CRB1: variants seen among roughly 807,000 people sequenced by gnomAD.
CRB1 encodes protein crumbs homolog 1.
CRB1 carries 83 observed loss-of-function variants against 120.0 expected under a neutral mutation model. The ratio of observed to expected loss-of-function variants is 0.69; its 90% CI spans 0.58 to 0.83. The LOEUF (loss-of-function observed/expected upper bound fraction) is 0.83, where lower values mean the gene tolerates loss of function less well. Among genes scored for constraint, CRB1 ranks in the 40% least tolerant of loss-of-function variants. CRB1 has a pLI of 0.00. For missense variants in CRB1, 1,699 were observed against 1,687.6 expected (o/e 1.01, Z -0.12); for synonymous variants, 625 against 612.5 (o/e 1.02, Z -0.30).
At chr1:197,227,333 G>GT in the CRB1 span, among the ~76,000 whole-genome samples, 28 of 151,824 alleles carry the variant, frequency 1.8e-4, no homozygotes, top group Non-Finnish European at 3.7e-4. Flanking sequence ...AAACAAAGGG[G>GT]TTACAGAGCC....
At chr1:197,252,582 A>ATATATGTGTGTGTG in the CRB1 span, among the ~76,000 whole-genome samples, 27 of 15,478 alleles carry the variant, frequency 1.7e-3, no homozygotes, top group South Asian at 3.0e-3. Context: ...ATATATATAT[A>ATATATGTGTGTGTG]TGTGTGTGTG....
At chr1:197,473,910 C>A (rs748977012) in intron 11 of CRB1, among the ~76,000 whole-genome samples, 1 of 150,880 alleles carries the variant, frequency 6.6e-6, no homozygotes, top group Non-Finnish European at 1.5e-5. Flanking sequence ...CCTGAAGAGG[C>A]GATTTCAAAA....
At position 197,385,345 on chromosome 1, in the gene CRB1, C is replaced by A. The variant is rs1662159828; in HGVS notation, c.1171+28332C>A. On this transcript the variant is annotated intron_variant, in intron 5 of 11. Transcript: ENST00000367400. Reference sequence around the variant, plus strand: ...GAACAATGTAAATAGACAAATGAGGCATTTCTTGAAGCTGCTTTTTGGTAT... The same window carrying A: ...GAACAATGTAAATAGACAAATGAGGAATTTCTTGAAGCTGCTTTTTGGTAT... Among the ~76,000 whole-genome samples, 2 of 152,052 alleles carry A rather than the reference C, an allele frequency of 1.3e-5. 1 individual carries two copies. The highest frequency in any genetic ancestry group is 4.1e-4 in the South Asian group (2 of 4,826).
intron 1 of CRB1, among the ~76,000 whole-genome samples, chr1:197,292,930 T>G (rs1486343669): frequency 6.6e-6 from 1 of 151,984 alleles, no homozygotes; most frequent in South Asian, 2.1e-4. Context: ...TAAGATCTGT[T>G]TATGACAAAC....
chr1:197,316,043 G>A (rs1463336118), intron 1 of CRB1, among the ~76,000 whole-genome samples: 3 of 152,168 alleles, frequency 2.0e-5, no homozygotes, highest in Non-Finnish European at 4.4e-5. Context: ...TACAGGTTTT[G>A]GTTTAAGAAG....
the CRB1 span, among the ~76,000 whole-genome samples, chr1:197,220,958 C>G: frequency 3.5e-4 from 53 of 152,176 alleles, no homozygotes; most frequent in Non-Finnish European, 2.9e-5. Context: ...ATAAATTACC[C>G]AGTCTCAGGT....
At chr1:197,286,910 A>C (rs1655861981) in intron 1 of CRB1, among the ~76,000 whole-genome samples, 1 of 151,896 alleles carries the variant, frequency 6.6e-6, no homozygotes, top group African/African-American at 2.4e-5. Context: ...ATTCAAGGGA[A>C]AAAGAAAAAC....
chr1:197,395,803 A>G (rs1402677471), intron 5 of CRB1, among the ~76,000 whole-genome samples: 3 of 152,162 alleles, frequency 2.0e-5, no homozygotes, highest in African/African-American at 4.8e-5. Context: ...CTCAACATTC[A>G]TATGATAAAA....
chr1:197,264,262 T>A (rs531033155), upstream of CRB1, among the ~76,000 whole-genome samples: 15 of 152,348 alleles, frequency 9.8e-5, no homozygotes, highest in Admixed American at 3.3e-4. Context: ...TCCCTTCAGA[T>A]AATAGCCTCC....
At chr1:197,303,058 G>A (rs2125256976) in intron 1 of CRB1, among the ~76,000 whole-genome samples, 1 of 152,044 alleles carries the variant, frequency 6.6e-6, no homozygotes, top group South Asian at 2.1e-4. Flanking sequence ...TCCATTATCA[G>A]TTATTTGCTA....
At chr1:197,424,104 T>C (rs1325991108) in intron 6 of CRB1, among the ~76,000 whole-genome samples, 1 of 152,186 alleles carries the variant, frequency 6.6e-6, no homozygotes, top group Non-Finnish European at 1.5e-5. Flanking sequence ...AGAATTTTAT[T>C]CTCTTAGAAT....
the CRB1 span, among the ~76,000 whole-genome samples, chr1:197,211,752 A>G: frequency 5.3e-5 from 8 of 152,234 alleles, no homozygotes; most frequent in Admixed American, 1.3e-4. Flanking sequence ...GTTAATTTTT[A>G]TCAAATTAAT....
intron 1 of CRB1, among the ~76,000 whole-genome samples, chr1:197,319,401 G>A: frequency 8.7e-6 from 1 of 114,330 alleles, no homozygotes; most frequent in Admixed American, 1.3e-4. Context: ...ACACTACACT[G>A]CAGCCTGGGT....
chr1:197,252,582 A>ATATATATATATATGTGTGTG, the CRB1 span, among the ~76,000 whole-genome samples: 11 of 15,502 alleles, frequency 7.1e-4, no homozygotes, highest in Non-Finnish European at 1.4e-3. Context: ...ATATATATAT[A>ATATATATATATATGTGTGTG]TGTGTGTGTG....
rs908396972 is a variant in CRB1, at chr1:197,278,150, G to A, written c.70+9668G>A. ...TTGAAGCCCTAATCTCCAAAGTGGC[G>A]GTTTTAGGGGGTGGGGCCTTTGGTA... On this transcript the variant is annotated intron_variant, in intron 1 of 11. Coordinates refer to ENST00000367400, the MANE Select transcript of CRB1 (RefSeq NM_201253.3). Among the ~76,000 whole-genome samples, 7 of 151,802 alleles carry A rather than the reference G, an allele frequency of 4.6e-5. No individual in the cohort carries two copies. In the South Asian group the frequency reaches 6.2e-4, roughly 13 times the overall value.
At chr1:197,258,071 ATAGT>A in the CRB1 span, among the ~76,000 whole-genome samples, 1 of 152,172 alleles carries the variant, frequency 6.6e-6, no homozygotes, top group Non-Finnish European at 1.5e-5. Context: ...TTTATTCTAA[ATAGT>A]TAGAAAGAAT....
At chr1:197,450,772 C>T (rs1201497367) in intron 11 of CRB1, among the ~76,000 whole-genome samples, 11 of 90,744 alleles carry the variant, frequency 1.2e-4, no homozygotes, top group Non-Finnish European at 1.9e-4. Flanking sequence ...AACCCCGTCT[C>T]TACTAAAAAT....
intron 5 of CRB1, among the ~76,000 whole-genome samples, chr1:197,418,769 G>A (rs1308571534): frequency 6.6e-6 from 1 of 152,140 alleles, no homozygotes; most frequent in Non-Finnish European, 1.5e-5. Flanking sequence ...GTGAATACAA[G>A]CCAGGTACTA....
At chr1:197,221,307 G>A in the CRB1 span, among the ~76,000 whole-genome samples, 1 of 152,192 alleles carries the variant, frequency 6.6e-6, no homozygotes, top group Non-Finnish European at 1.5e-5. Flanking sequence ...AAAACAAGGG[G>A]TGAGCAAAGA....
Sources: allele counts gnomAD v4.1 joint callset (sites outside exome capture counted in the v4.1 genomes callset), GRCh38; gene constraint gnomAD v4.1.1; transcripts MANE v1.5; gene names NCBI Gene and HGNC (gene_info 2026-07-23, HGNC 2026-07-21).